Variants in SOX5 observed in about 807,000 individuals in gnomAD.
SOX5 encodes transcription factor SOX-5.
Under a neutral mutation model 92.0 loss-of-function variants are expected in SOX5, and 9 were observed. The observed-to-expected ratio is 0.10, with a 90% confidence interval of 0.06 to 0.17. SOX5 has a LOEUF of 0.17. Ranked by LOEUF, SOX5 falls within the 10% of genes least tolerant of loss-of-function variation. SOX5 has a pLI of 1.00. For synonymous variants in SOX5, 344 were observed against 336.3 expected, an observed-to-expected ratio of 1.02 and a Z score of -0.25; for missense variants, 642 against 944.5, an observed-to-expected ratio of 0.68 and a Z score of 4.20.
chr12:23,887,225 T>C (rs1320326362), intron 2 of SOX5, among the ~76,000 whole-genome samples: 2 of 152,132 alleles, frequency 1.3e-5, no homozygotes, highest in Admixed American at 6.5e-5. Context: ...GAAGGAAGTA[T>C]ATATCAGAGC....
At chr12:24,244,964 C>T (rs1056525865) in intron 3 of SOX5, among the ~76,000 whole-genome samples, 2 of 152,130 alleles carry the variant, frequency 1.3e-5, no homozygotes, top group Non-Finnish European at 2.9e-5. Flanking sequence ...GGATTACAGG[C>T]GTGAGTCACT....
At chr12:24,411,995 G>C (rs1281723016) in intron 1 of SOX5, among the ~76,000 whole-genome samples, 2 of 152,110 alleles carry the variant, frequency 1.3e-5, no homozygotes. Context: ...AATTATGGGT[G>C]AGTTGCAGCA....
chr12:24,118,254 T>C (rs1948267957), intron 4 of SOX5, among the ~76,000 whole-genome samples: 1 of 152,108 alleles, frequency 6.6e-6, no homozygotes, highest in Non-Finnish European at 1.5e-5. Flanking sequence ...ATCATTAACA[T>C]CCTCACTACA....
At chr12:23,950,996 CACACA>C, upstream of SOX5, 1 of 788,836 alleles carries the variant, frequency 1.3e-6, no homozygotes, top group Non-Finnish European at 2.1e-6. Flanking sequence ...CACACACACA[CACACA>C]CACTCACTCA....
chr12:24,526,229 T>C (rs1268701668), intron 1 of SOX5, among the ~76,000 whole-genome samples: 1 of 151,866 alleles, frequency 6.6e-6, no homozygotes, highest in Non-Finnish European at 1.5e-5. Flanking sequence ...GTGTAGTAGC[T>C]GGAAAGAAAT....
chr12:23,740,822 A>C lies in SOX5; in HGVS notation c.741+45T>G, dbSNP rs756850198. The C allele has an allele frequency of 2.0e-6, 3 of 1,516,996 alleles. No homozygotes were observed. The East Asian group carries it at 7.0e-5, about 35-fold the overall frequency. 94.0% of individuals were successfully genotyped at this position (1,516,996 alleles called of 1,614,324 possible). A position where few individuals can be genotyped will look rare whatever the true frequency, so the allele number is the denominator to read the frequency against. On this transcript the variant is annotated intron_variant, in intron 5 of 14. Transcript: ENST00000451604. ...GACAGTGACCTATAAGTAGCAGGCA[A>C]AGTAATGTCTGAGGAATATGACTGC...
chr12:24,435,737 T>C (rs1463614280), intron 1 of SOX5, among the ~76,000 whole-genome samples: 1 of 151,806 alleles, frequency 6.6e-6, no homozygotes, highest in Non-Finnish European at 1.5e-5. Context: ...TTTCACTTTA[T>C]TGCACTTCAC....
chr12:23,770,248 G>A (rs1473388581), intron 3 of SOX5, among the ~76,000 whole-genome samples: 1 of 151,772 alleles, frequency 6.6e-6, no homozygotes, highest in Non-Finnish European at 1.5e-5. Flanking sequence ...TGTTTCTAAT[G>A]ATGTATAGTC....
intron 4 of SOX5, among the ~76,000 whole-genome samples, chr12:24,099,103 A>G (rs1363974181): frequency 6.6e-6 from 1 of 152,166 alleles, no homozygotes; most frequent in Non-Finnish European, 1.5e-5. Context: ...TATTCCAAAT[A>G]AAGTTAATTT....
chr12:24,201,037 C>A (rs551261858), intron 4 of SOX5, among the ~76,000 whole-genome samples: 1 of 152,130 alleles, frequency 6.6e-6, no homozygotes, highest in African/African-American at 2.4e-5. Flanking sequence ...ACTATACACC[C>A]AACAATTCAT....
At chr12:23,872,105 C>A (rs12367531) in intron 2 of SOX5, among the ~76,000 whole-genome samples, 1 of 149,388 alleles carries the variant, frequency 6.7e-6, no homozygotes, top group African/African-American at 2.5e-5. Context: ...TCACGCCATT[C>A]TCCTGCCTCA....
In SOX5 at chr12:24,156,751, T is replaced by C. The variant is rs144150730; in HGVS notation, c.-2+56592A>G. Among the ~76,000 whole-genome samples the C allele has an allele frequency of 1.8e-3, 277 of 152,264 alleles. 2 individuals are homozygous for C. Among genetic ancestry groups the C allele is most frequent in the African/African-American group, 6.3e-3 (263 of 41,560 alleles). ...TTACTTCTCAAAAGAAGAGCATAAG[T>C]TGTCCATAATAAAAGAAATATAGGA... On this transcript the variant is annotated intron_variant, in intron 4 of 4. Transcript: ENST00000446891.
At chr12:23,999,368 T>C (rs1951373656) in intron 4 of SOX5, among the ~76,000 whole-genome samples, 1 of 152,156 alleles carries the variant, frequency 6.6e-6, no homozygotes, top group Non-Finnish European at 1.5e-5. Context: ...GATAAATAAG[T>C]TCTAGATACC....
At chr12:24,123,890 G>T (rs1593370780) in intron 4 of SOX5, among the ~76,000 whole-genome samples, 1 of 152,164 alleles carries the variant, frequency 6.6e-6, no homozygotes, top group East Asian at 1.9e-4. Context: ...CTCCCAGCTT[G>T]GTAGGCGATC....
At chr12:24,335,985 A>ATATATATATATATATATATC (rs1483273787) in intron 2 of SOX5, among the ~76,000 whole-genome samples, 1 of 142,544 alleles carries the variant, frequency 7.0e-6, no homozygotes, top group Non-Finnish European at 1.5e-5. Flanking sequence ...ATATATATAT[A>ATATATATATATATATATATC]TATCCATAAT....
intron 4 of SOX5, among the ~76,000 whole-genome samples, chr12:24,073,603 C>T (rs1942089764): frequency 6.6e-6 from 1 of 152,102 alleles, no homozygotes; most frequent in Admixed American, 6.5e-5. Flanking sequence ...GATTTACAGC[C>T]ATTTTCAATA....
Position 24,394,687 on chromosome 12 carries a change from C to T in SOX5, c.-250-26048G>A, listed in dbSNP as rs576104438. ...GAAGTATGCTTAATTCTTTTGGGGG[C>T]ACAGGTAGAACAATGCCTGAAAAAG... On this transcript the variant is annotated intron_variant, in intron 1 of 4. Transcript: ENST00000446891. Among the ~76,000 whole-genome samples the T allele has an allele frequency of 6.4e-4, 98 of 152,228 alleles. 1 individual carries two copies. The highest frequency in any genetic ancestry group is 2.3e-3 in the African/African-American group (95 of 41,540).
In SOX5 at chr12:24,003,368, C is replaced by T. The variant is rs547689933; in HGVS notation, c.-1-107344G>A. Among the ~76,000 whole-genome samples the T allele has an allele frequency of 5.5e-4, 83 of 151,900 alleles. 1 individual carries two copies. In the Middle Eastern group the frequency reaches 0.014, roughly 25 times the overall value. Reference sequence around the variant, plus strand: ...TCTTACTGGAAAGTAAGATGTAAAACTGTCTTTCTTCTCGGGGTGTTTGAT... The same window carrying T: ...TCTTACTGGAAAGTAAGATGTAAAATTGTCTTTCTTCTCGGGGTGTTTGAT... On this transcript the variant is annotated intron_variant, in intron 4 of 4. Coordinates refer to the SOX5 transcript ENST00000446891.
chr12:24,191,799 T>C (rs548356027), intron 4 of SOX5, among the ~76,000 whole-genome samples: 1 of 152,158 alleles, frequency 6.6e-6, no homozygotes, highest in Non-Finnish European at 1.5e-5. Flanking sequence ...GTGTCCTAGA[T>C]ATGGTAAGAT....
Sources: gnomAD v4.1 joint callset for allele counts (sites outside exome capture counted in the v4.1 genomes callset) on GRCh38, gnomAD v4.1.1 for gene constraint, MANE v1.5 for transcripts, NCBI Gene and HGNC (gene_info 2026-07-23, HGNC 2026-07-21) for gene names.